The following ADGRE3 variants were observed in gnomAD, a reference collection of about 807,000 sequenced individuals.
ADGRE3 encodes the protein EGF-like module receptor 3.
In ADGRE3, 88 loss-of-function variants were observed where a neutral mutation model predicts 80.1. The ratio of observed to expected loss-of-function variants is 1.10; its 90% CI spans 0.93 to 1.31. The LOEUF is 1.31. Ranked by LOEUF, ADGRE3 falls within the 40% of genes most tolerant of loss-of-function variation. The pLI is 0.00. For missense variants in ADGRE3, 715 were observed against 776.5 expected, an observed-to-expected ratio of 0.92 and a Z score of 0.94; for synonymous variants, 281 against 294.8, an observed-to-expected ratio of 0.95 and a Z score of 0.48.
chr19:14,666,378 ATT>A lies in ADGRE3; in HGVS notation c.76+2422_76+2423del, dbSNP rs34328222. Among the ~76,000 whole-genome samples the A allele has an allele frequency of 3.2e-3, 461 of 143,430 alleles. 2 individuals are homozygous for A. Among genetic ancestry groups the A allele is most frequent in the African/African-American group, 4.6e-3 (179 of 39,248 alleles). The allele number at this position is 143,430 out of a possible 152,430, so 94.1% of individuals were successfully genotyped here. On this transcript the variant is annotated intron_variant, in intron 2 of 15. Transcript: ENST00000253673. ...AGCATTTTTTCATGTTTCTTGGCCT[ATT>A]TTTTTTTTTTTTTAAAGACAGAGTC...
chr19:14,665,793 T>A (rs1478602205), intron 2 of ADGRE3, among the ~76,000 whole-genome samples: 2 of 150,794 alleles, frequency 1.3e-5, no homozygotes, highest in Admixed American at 1.3e-4. Context: ...ATGCCTAGCC[T>A]TTGGAATTTT....
At chr19:14,631,513 A>G (rs1342955766) in intron 13 of ADGRE3, among the ~76,000 whole-genome samples, 8 of 151,246 alleles carry the variant, frequency 5.3e-5, no homozygotes, top group Non-Finnish European at 4.4e-5. Flanking sequence ...CACACAATAT[A>G]TATATGTACA....
At chr19:14,625,639 C>T (rs761171373) in intron 14 of ADGRE3, 40 bp from the exon 15 acceptor site, 14 of 1,255,494 alleles carry the variant, frequency 1.1e-5, no homozygotes, top group Non-Finnish European at 1.5e-5. Flanking sequence ...GTTTTGCTAA[C>T]ATTGGTGAAC....
At chr19:14,668,149 G>A (rs1972153679) in intron 2 of ADGRE3, among the ~76,000 whole-genome samples, 1 of 152,128 alleles carries the variant, frequency 6.6e-6, no homozygotes, top group African/African-American at 2.4e-5. Flanking sequence ...TACTCGGGAG[G>A]CTGAGGCATG....
chr19:14,674,365 T>A (rs1308547515), intron 1 of ADGRE3, among the ~76,000 whole-genome samples: 1 of 151,888 alleles, frequency 6.6e-6, no homozygotes, highest in Non-Finnish European at 1.5e-5. Flanking sequence ...GGTGTGGTGA[T>A]GTGTGCCTGT....
At chr19:14,604,350 G>A in the ADGRE3 span, among the ~76,000 whole-genome samples, 8 of 152,216 alleles carry the variant, frequency 5.3e-5, no homozygotes, top group Admixed American at 2.6e-4. Flanking sequence ...TTCCCATGGT[G>A]ACTTTACCTC....
At chr19:14,654,768 G>A (rs1568493312) in intron 6 of ADGRE3, among the ~76,000 whole-genome samples, 1 of 151,996 alleles carries the variant, frequency 6.6e-6, no homozygotes, top group East Asian at 1.9e-4. Flanking sequence ...ACCCCTAATA[G>A]TTTCCCCAGA....
intron 9 of ADGRE3, among the ~76,000 whole-genome samples, chr19:14,641,983 A>AT (rs1474517873): frequency 2.0e-5 from 3 of 152,170 alleles, no homozygotes; most frequent in Admixed American, 1.3e-4. Flanking sequence ...TGGACATATG[A>AT]TTTTTTTCCC....
intron 1 of ADGRE3, among the ~76,000 whole-genome samples, chr19:14,669,239 G>T (rs1287901634): frequency 6.6e-6 from 1 of 152,148 alleles, no homozygotes; most frequent in Non-Finnish European, 1.5e-5. Flanking sequence ...CCATAAGAAA[G>T]AATGAAATCA....
At chr19:14,609,409 C>T in the ADGRE3 span, among the ~76,000 whole-genome samples, 3 of 152,166 alleles carry the variant, frequency 2.0e-5, no homozygotes, top group Non-Finnish European at 4.4e-5. Flanking sequence ...ATAAATCCTA[C>T]ACACTCGAGT....
the ADGRE3 span, among the ~76,000 whole-genome samples, chr19:14,607,370 A>ATT: frequency 1.3e-5 from 2 of 150,472 alleles, no homozygotes; most frequent in African/African-American, 2.4e-5. Context: ...TGCCCGGCTA[A>ATT]TTTTTTGTAT....
At chr19:14,633,101 G>T in intron 12 of ADGRE3, 89 bp from the exon 13 acceptor site, 1 of 1,267,080 alleles carries the variant, frequency 7.9e-7, no homozygotes, top group Non-Finnish European at 1.1e-6. Flanking sequence ...CTACCCTCTT[G>T]TACATGGGAC....
intron 10 of ADGRE3, among the ~76,000 whole-genome samples, chr19:14,640,382 C>T (rs905900801): frequency 1.1e-4 from 17 of 152,096 alleles, no homozygotes; most frequent in African/African-American, 2.7e-4. Context: ...CTCTGCCTCC[C>T]GGGTTCAAGC....
intron 1 of ADGRE3, 87 bp downstream of exon 1, chr19:14,674,659 A>G: frequency 7.4e-7 from 1 of 1,344,560 alleles, no homozygotes; most frequent in Non-Finnish European, 1.1e-6. Context: ...CAGAAGAAAG[A>G]GGAGGAGAAA....
intron 1 of ADGRE3, among the ~76,000 whole-genome samples, chr19:14,674,421 C>T (rs749519342): frequency 4.6e-5 from 7 of 152,022 alleles, no homozygotes; most frequent in Non-Finnish European, 1.0e-4. Flanking sequence ...CACTTGAACC[C>T]GGGAGGCAGA....
At chr19:14,601,086 A>G in the ADGRE3 span, among the ~76,000 whole-genome samples, 3 of 151,566 alleles carry the variant, frequency 2.0e-5, no homozygotes, top group African/African-American at 7.3e-5. Flanking sequence ...TATTATTAGT[A>G]GAGATGAGGT....
chr19:14,614,887 A>C (rs1383109145), downstream of ADGRE3, among the ~76,000 whole-genome samples: 1 of 141,678 alleles, frequency 7.1e-6, no homozygotes, highest in Admixed American at 7.2e-5. Context: ...CCCGGCCCCC[A>C]TTTTTTTTTT....
chr19:14,605,270 A>T, the ADGRE3 span, among the ~76,000 whole-genome samples: 63 of 151,732 alleles, frequency 4.2e-4, no homozygotes, highest in East Asian at 4.5e-3. Context: ...TAATTTTTGT[A>T]TTTTTAGTAG....
chr19:14,605,689 C>T, the ADGRE3 span, among the ~76,000 whole-genome samples: 161 of 152,190 alleles, frequency 1.1e-3, 5 homozygotes, highest in East Asian at 0.028. Flanking sequence ...ATATTTTCTT[C>T]CCTATCTTTT....
Sources: allele counts gnomAD v4.1 joint callset (sites outside exome capture counted in the v4.1 genomes callset), GRCh38; gene constraint gnomAD v4.1.1; transcripts MANE v1.5; gene names NCBI Gene and HGNC (gene_info 2026-07-23, HGNC 2026-07-21).